Variants in IL7 observed in about 807,000 individuals in gnomAD.
IL7 encodes the protein interleukin-7.
IL7 carries 3 observed loss-of-function variants against 21.6 expected under a neutral mutation model. That is an observed-to-expected ratio of 0.14 (90% confidence interval 0.06 to 0.36). The LOEUF is 0.36. Ranked by LOEUF, IL7 falls within the 10% of genes least tolerant of loss-of-function variation. IL7 has a pLI of 1.00. For synonymous variants in IL7, 62 were observed against 68.1 expected (o/e 0.91, Z 0.44); for missense variants, 175 against 200.2 (o/e 0.87, Z 0.76).
At chr8:78,742,157 CAAA>C (rs35093575) in intron 2 of IL7, among the ~76,000 whole-genome samples, 1 of 123,574 alleles carries the variant, frequency 8.1e-6, no homozygotes, top group Non-Finnish European at 1.8e-5. Context: ...ACTAAAAATA[CAAA>C]AAAAAAAAAA....
intron 3 of IL7, among the ~76,000 whole-genome samples, chr8:78,711,191 A>T (rs1810940059): frequency 6.6e-6 from 1 of 152,124 alleles, no homozygotes. Flanking sequence ...AGCAAATAAG[A>T]TTGTTTCCTA....
intron 3 of IL7, among the ~76,000 whole-genome samples, chr8:78,707,117 T>G (rs1810798434): frequency 6.6e-6 from 1 of 152,234 alleles, no homozygotes; most frequent in African/African-American, 2.4e-5. Context: ...ATATGTGCTT[T>G]AATTTTACAA....
At chr8:78,699,284 A>G (rs1810525664) in intron 3 of IL7, among the ~76,000 whole-genome samples, 1 of 152,110 alleles carries the variant, frequency 6.6e-6, no homozygotes, top group Non-Finnish European at 1.5e-5. Context: ...TTATGGGAAA[A>G]ATTGTAACAG....
At chr8:78,743,137 T>C (rs888849864) in intron 2 of IL7, among the ~76,000 whole-genome samples, 6 of 152,318 alleles carry the variant, frequency 3.9e-5, no homozygotes, top group African/African-American at 1.4e-4. Flanking sequence ...TCCAGTCCAT[T>C]ATTGATGGCC....
chr8:78,800,001 G>A (rs927543487), intron 1 of IL7, among the ~76,000 whole-genome samples: 1 of 152,064 alleles, frequency 6.6e-6, no homozygotes, highest in Non-Finnish European at 1.5e-5. Flanking sequence ...GTGAAGTCTG[G>A]GCTTTAGTGT....
intron 1 of IL7, among the ~76,000 whole-genome samples, chr8:78,799,431 C>G (rs1813975648): frequency 6.6e-6 from 1 of 152,012 alleles, no homozygotes; most frequent in African/African-American, 2.4e-5. Context: ...ATTATGAAAA[C>G]AAACATAAAT....
intron 2 of IL7, among the ~76,000 whole-genome samples, chr8:78,770,686 C>A (rs189733229): frequency 3.3e-5 from 5 of 151,914 alleles, no homozygotes; most frequent in Non-Finnish European, 7.4e-5. Context: ...TGCAAAGACA[C>A]GCACACACAC....
At chr8:78,682,745 T>G (rs1421621044) in intron 4 of IL7, among the ~76,000 whole-genome samples, 2 of 152,178 alleles carry the variant, frequency 1.3e-5, no homozygotes, top group African/African-American at 4.8e-5. Context: ...TCTTAACTCA[T>G]TTCAGCATTA....
chr8:78,687,854 TAA>T lies in IL7; in HGVS notation n.215-1909_215-1908del. On this transcript the variant is annotated intron_variant and non_coding_transcript_variant, in intron 3 of 4. Coordinates refer to the IL7 transcript ENST00000523959. Reference sequence around the variant, plus strand: ...GTAATAAATTATATATATATTTATATAATATATATCTATATAATAAATATATA... The same window carrying T: ...GTAATAAATTATATATATATTTATATTATATATCTATATAATAAATATATA... Among the ~76,000 whole-genome samples, 3 of 87,418 alleles carry T rather than the reference TAA, an allele frequency of 3.4e-5. No homozygotes were observed. The South Asian group carries it at 1.4e-3, about 40-fold the overall frequency. 57.3% of individuals were successfully genotyped at this position (87,418 alleles called of 152,430 possible).
intron 2 of IL7, among the ~76,000 whole-genome samples, chr8:78,773,070 C>G (rs1043254928): frequency 6.6e-6 from 1 of 152,136 alleles, no homozygotes; most frequent in Admixed American, 6.6e-5. Flanking sequence ...ACTGCTTATT[C>G]TAGTTCAGGG....
At chr8:78,768,219 C>T (rs913144682) in intron 2 of IL7, among the ~76,000 whole-genome samples, 10 of 151,998 alleles carry the variant, frequency 6.6e-5, no homozygotes, top group Admixed American at 5.2e-4. Context: ...TGAATAGTGC[C>T]ACAATAAACA....
intron 3 of IL7, among the ~76,000 whole-genome samples, chr8:78,688,149 T>C (rs1229231260): frequency 6.6e-6 from 1 of 151,792 alleles, no homozygotes; most frequent in Non-Finnish European, 1.5e-5. Context: ...TGGTATGCTT[T>C]AACTGATCCT....
chr8:78,794,007 G>A (rs976458348), intron 2 of IL7, among the ~76,000 whole-genome samples: 48 of 152,004 alleles, frequency 3.2e-4, no homozygotes, highest in Admixed American at 2.6e-4. Context: ...ACATCTTCAG[G>A]CTCCACTTCT....
intron 3 of IL7, among the ~76,000 whole-genome samples, chr8:78,695,284 G>A (rs1392496851): frequency 6.6e-6 from 1 of 152,074 alleles, no homozygotes; most frequent in Non-Finnish European, 1.5e-5. Context: ...GAGGGAGAAA[G>A]CAAAACATTT....
At chr8:78,759,946 C>T (rs1179213376) in intron 2 of IL7, among the ~76,000 whole-genome samples, 1 of 152,146 alleles carries the variant, frequency 6.6e-6, no homozygotes, top group Admixed American at 6.5e-5. Flanking sequence ...TTTCAACGTT[C>T]TCTTCTGGAA....
intron 3 of IL7, among the ~76,000 whole-genome samples, chr8:78,726,927 A>G (rs1036969045): frequency 6.6e-6 from 1 of 151,948 alleles, no homozygotes; most frequent in Non-Finnish European, 1.5e-5. Flanking sequence ...CTCCTTCTTC[A>G]GTGTAAAATA....
chr8:78,738,617 G>T lies in IL7; in HGVS notation c.247C>A (p.Arg83Ser). The change falls in exon 4 of 6, where the codon CGT becomes AGT. Residue 83 changes from arginine to serine, a missense_variant. Arg to Ser is a moderately radical substitution (Grantham distance 110). Transcript: ENST00000263851. ...DANKEGMFLF[R>S]AARKLRQFLK... ...AATTGCCTCAACTTGCGAGCAGCACGGAATAAAAACATACCTTCCTATTAT... is the reference window on the plus strand; with the variant it reads ...AATTGCCTCAACTTGCGAGCAGCACTGAATAAAAACATACCTTCCTATTAT... 1.9e-6 allele frequency: 3 copies of T among 1,613,394 alleles called. No individual in the cohort carries two copies. The highest frequency in any genetic ancestry group is 2.5e-6 in the Non-Finnish European group (3 of 1,179,606).
intron 2 of IL7, 146 bp from the exon 3 acceptor site, chr8:78,740,228 C>G (rs1388215035): frequency 2.6e-6 from 1 of 379,038 alleles, no homozygotes; most frequent in Non-Finnish European, 4.4e-6. Flanking sequence ...GCTGACTAAG[C>G]ATGAGGAATC....
chr8:78,702,651 T>C (rs964761357), intron 3 of IL7, among the ~76,000 whole-genome samples: 27 of 152,180 alleles, frequency 1.8e-4, no homozygotes, highest in African/African-American at 6.5e-4. Context: ...GAGAGTCTGG[T>C]ATGTTGTTTC....
Sources: gnomAD v4.1 joint callset for allele counts (sites outside exome capture counted in the v4.1 genomes callset) on GRCh38, gnomAD v4.1.1 for gene constraint, MANE v1.5 for transcripts, NCBI Gene and HGNC (gene_info 2026-07-23, HGNC 2026-07-21) for gene names.